LMNTD1: variants seen among roughly 807,000 people sequenced by gnomAD.
The protein encoded by LMNTD1 is lamin tail domain-containing protein 1.
LMNTD1 carries 35 observed loss-of-function variants against 50.9 expected under a neutral mutation model. That is an observed-to-expected ratio of 0.69 (90% CI 0.53 to 0.91). LMNTD1 has a LOEUF of 0.91. LMNTD1 is among the 40% of genes least tolerant of loss of function. The probability of loss-of-function intolerance (pLI) is 0.00; values close to 1 mark genes in which losing one functional copy is unlikely to be tolerated. For missense variants in LMNTD1, 470 were observed against 475.5 expected (o/e 0.99, Z 0.11); for synonymous variants, 153 against 161.9 (o/e 0.94, Z 0.42).
intron 1 of LMNTD1, among the ~76,000 whole-genome samples, chr12:25,642,100 A>G (rs1400159700): frequency 6.6e-6 from 1 of 152,158 alleles, no homozygotes; most frequent in Non-Finnish European, 1.5e-5. Flanking sequence ...AGTGGAATGA[A>G]TTTTATGATT....
In LMNTD1 at chr12:25,619,258, ATATATATATATATATATATATG is replaced by A. The variant is rs1946423622; in HGVS notation, c.58+29214_58+29235del. ...TCTCTCTCTCTCTCTCTCTCTATAT[ATATATATATATATATATATATG>A]TATAGCTAACTAGTTTTCCAACTTT... On this transcript the variant is annotated intron_variant, in intron 1 of 7. Coordinates refer to the LMNTD1 transcript ENST00000445693. 7.0e-5 allele frequency among the ~76,000 whole-genome samples: 4 copies of A among 56,954 alleles called. 1 individual carries two copies. Among genetic ancestry groups the A allele is most frequent in the African/African-American group, 3.2e-4 (4 of 12,358 alleles). The allele number at this position is 56,954 out of a possible 152,430, so 37.4% of individuals were successfully genotyped here.
At chr12:25,489,296 A>C (rs1591821566) in intron 9 of LMNTD1, among the ~76,000 whole-genome samples, 1 of 146,612 alleles carries the variant, frequency 6.8e-6, no homozygotes, top group Non-Finnish European at 1.5e-5. Context: ...TGGGCGTAGG[A>C]CCCTCCGAGC....
intron 9 of LMNTD1, among the ~76,000 whole-genome samples, chr12:25,488,100 A>G (rs1290606510): frequency 2.7e-5 from 4 of 147,870 alleles, no homozygotes; most frequent in African/African-American, 9.9e-5. Context: ...TGAATCTGAC[A>G]ATTGTGTGTC....
At chr12:25,480,570 T>C (rs879262568) in intron 9 of LMNTD1, among the ~76,000 whole-genome samples, 1 of 152,206 alleles carries the variant, frequency 6.6e-6, no homozygotes, top group African/African-American at 2.4e-5. Flanking sequence ...GCAGATCATC[T>C]TACTTTGTGC....
intron 4 of LMNTD1, among the ~76,000 whole-genome samples, chr12:25,537,695 C>T (rs1207431617): frequency 6.6e-6 from 1 of 152,126 alleles, no homozygotes; most frequent in South Asian, 2.1e-4. Flanking sequence ...CGCAGCTCCT[C>T]ACCAGCAACA....
chr12:25,483,184 G>C (rs1305497933), intron 9 of LMNTD1, among the ~76,000 whole-genome samples: 4 of 151,788 alleles, frequency 2.6e-5, no homozygotes, highest in African/African-American at 9.7e-5. Flanking sequence ...CAGCACTTTG[G>C]GAGGCTGAGA....
chr12:25,517,571 G>T (rs1940885138), intron 8 of LMNTD1, among the ~76,000 whole-genome samples: 1 of 29,246 alleles, frequency 3.4e-5, no homozygotes, highest in African/African-American at 8.6e-5. Flanking sequence ...GTGGGGGGAG[G>T]GGGGAGGGAT....
intron 1 of LMNTD1, among the ~76,000 whole-genome samples, chr12:25,561,260 G>C (rs1353222859): frequency 3.9e-5 from 6 of 152,142 alleles, no homozygotes; most frequent in Admixed American, 1.3e-4. Flanking sequence ...GGTCTTTCCT[G>C]CTTTCTCTTG....
chr12:25,578,910 T>C (rs1945151141), intron 1 of LMNTD1, among the ~76,000 whole-genome samples: 2 of 152,214 alleles, frequency 1.3e-5, no homozygotes, highest in Non-Finnish European at 2.9e-5. Context: ...GTGCAATCTA[T>C]AAATTGACCC....
At chr12:25,607,273 CA>C (rs567279478) in intron 1 of LMNTD1, among the ~76,000 whole-genome samples, 188 of 152,168 alleles carry the variant, frequency 1.2e-3, no homozygotes, top group African/African-American at 4.4e-3. Context: ...TTGATCTTTT[CA>C]AAAAACCAGC....
chr12:25,530,572 T>G (rs1338076917), intron 4 of LMNTD1, among the ~76,000 whole-genome samples: 2 of 152,220 alleles, frequency 1.3e-5, no homozygotes, highest in African/African-American at 4.8e-5. Flanking sequence ...AGTTTCTGAA[T>G]ATTGTAAGGC....
intron 1 of LMNTD1, among the ~76,000 whole-genome samples, chr12:25,624,694 T>C (rs544622959): frequency 2.6e-4 from 39 of 152,352 alleles, no homozygotes; most frequent in Middle Eastern, 3.4e-3. Context: ...GAAGTTACTA[T>C]AGTTGTTGTT....
At chr12:25,638,418 A>C (rs1188145375) in intron 1 of LMNTD1, among the ~76,000 whole-genome samples, 1 of 152,114 alleles carries the variant, frequency 6.6e-6, no homozygotes, top group Non-Finnish European at 1.5e-5. Context: ...TGCAAATAAC[A>C]TGATCCTGTA....
chr12:25,573,914 T>G (rs1228782684), intron 1 of LMNTD1, among the ~76,000 whole-genome samples: 2 of 152,096 alleles, frequency 1.3e-5, no homozygotes, highest in African/African-American at 4.8e-5. Context: ...GCCCTAGATA[T>G]CCCTCTAGGG....
intron 1 of LMNTD1, among the ~76,000 whole-genome samples, chr12:25,599,287 G>C (rs1419639139): frequency 6.6e-6 from 1 of 151,838 alleles, no homozygotes; most frequent in Admixed American, 6.6e-5. Flanking sequence ...TAAAAAAGCT[G>C]AGTACAGAAG....
At chr12:25,610,138 C>A (rs1946209387) in intron 1 of LMNTD1, among the ~76,000 whole-genome samples, 2 of 152,188 alleles carry the variant, frequency 1.3e-5, no homozygotes, top group African/African-American at 4.8e-5. Flanking sequence ...ATGGGACCTG[C>A]TGAGCCATGC....
intron 1 of LMNTD1, among the ~76,000 whole-genome samples, chr12:25,624,987 T>C (rs1426434492): frequency 6.6e-6 from 1 of 151,742 alleles, no homozygotes; most frequent in Non-Finnish European, 1.5e-5. Context: ...AGCATTACAA[T>C]AATCACAATA....
chr12:25,523,817 A>G (rs1485796342), intron 6 of LMNTD1, among the ~76,000 whole-genome samples: 1 of 115,866 alleles, frequency 8.6e-6, no homozygotes, highest in Non-Finnish European at 1.7e-5. Flanking sequence ...TGACTCAGGT[A>G]AAAAAAAAAA....
intron 9 of LMNTD1, among the ~76,000 whole-genome samples, chr12:25,481,865 T>TCACACACA (rs138084240): frequency 0.016 from 2,096 of 132,678 alleles, 24 homozygotes; most frequent in South Asian, 0.024. Context: ...TATTGCCTCT[T>TCACACACA]CACACACACA....
Sources: allele counts gnomAD v4.1 joint callset (sites outside exome capture counted in the v4.1 genomes callset), GRCh38; gene constraint gnomAD v4.1.1; transcripts MANE v1.5; gene names NCBI Gene and HGNC (gene_info 2026-07-23, HGNC 2026-07-21).